The following OTULIN variants were observed in gnomAD, a reference collection of about 807,000 sequenced individuals.
The protein encoded by OTULIN is ubiquitin thioesterase otulin.
Under a neutral mutation model 39.6 loss-of-function variants are expected in OTULIN, and 15 were observed. The ratio of observed to expected loss-of-function variants is 0.38; its 90% CI spans 0.25 to 0.58. The LOEUF is 0.58. Among genes scored for constraint, OTULIN ranks in the 20% least tolerant of loss-of-function variants. OTULIN has a pLI of 0.66. For synonymous variants in OTULIN, 156 were observed against 170.3 expected, an observed-to-expected ratio of 0.92 and a Z score of 0.65; for missense variants, 319 against 445.9, an observed-to-expected ratio of 0.72 and a Z score of 2.56.
At chr5:14,712,251 GTCACTCTGCTGCCCCGGCCTGT>G in the OTULIN span, among the ~76,000 whole-genome samples, 5 of 152,214 alleles carry the variant, frequency 3.3e-5, no homozygotes, top group East Asian at 7.7e-4. Flanking sequence ...TGGCCTGGCC[GTCACTCTGCTGCCCCGGCCTGT>G]TCACTCTGCT....
downstream of OTULIN, among the ~76,000 whole-genome samples, chr5:14,702,773 G>T (rs569240926): frequency 6.6e-6 from 1 of 152,180 alleles, no homozygotes; most frequent in Admixed American, 6.5e-5. Flanking sequence ...GAGGTGTATA[G>T]TATAATGTAA....
the OTULIN span, chr5:14,712,853 C>CT: frequency 2.5e-6 from 4 of 1,582,924 alleles, no homozygotes; most frequent in Non-Finnish European, 3.4e-6. Context: ...CGGGAGGAGG[C>CT]TCCCGGCGCG....
intron 4 of OTULIN, among the ~76,000 whole-genome samples, chr5:14,683,648 T>G (rs1317744350): frequency 6.6e-6 from 1 of 152,232 alleles, no homozygotes; most frequent in Non-Finnish European, 1.5e-5. Flanking sequence ...TATATTATAT[T>G]AATCTACAAA....
chr5:14,708,147 C>G, the OTULIN span: 1 of 152,246 alleles, frequency 6.6e-6, no homozygotes, highest in African/African-American at 2.4e-5. Context: ...CACTACAGAA[C>G]AAATGGCAAC....
chr5:14,670,657 T>G (rs2126813981), intron 1 of OTULIN, among the ~76,000 whole-genome samples: 1 of 152,286 alleles, frequency 6.6e-6, no homozygotes, highest in African/African-American at 2.4e-5. Context: ...TGGGCAGGAG[T>G]GCAGTGGTGT....
chr5:14,712,873 C>G, the OTULIN span: 2 of 1,606,690 alleles, frequency 1.2e-6, no homozygotes, highest in African/African-American at 2.7e-5. Context: ...GGCTGTCTCA[C>G]CTGCTTCCGG....
At position 14,674,375 on chromosome 5, in the gene OTULIN, C is replaced by T. The variant is rs543371482; in HGVS notation, c.229+657C>T. On this transcript the variant is annotated intron_variant, in intron 2 of 6. Transcript: ENST00000284274. ...TAGGGTTACTCTGATTTTGGGATAT[C>T]CCGTGAATAATCACAAGTGGCATTT... 2.8e-4 allele frequency among the ~76,000 whole-genome samples: 43 copies of T among 152,324 alleles called. 1 individual carries two copies. Among genetic ancestry groups the T allele is most frequent in the African/African-American group, 9.1e-4 (38 of 41,570 alleles).
chr5:14,699,966 A>T (rs1284439536), downstream of OTULIN, among the ~76,000 whole-genome samples: 1 of 152,226 alleles, frequency 6.6e-6, no homozygotes, highest in Non-Finnish European at 1.5e-5. Context: ...ATTGATGTAC[A>T]GTCCCATTGG....
At chr5:14,681,768 A>G (rs548251844) in intron 4 of OTULIN, 161 bp downstream of exon 4, 28 of 773,472 alleles carry the variant, frequency 3.6e-5, no homozygotes, top group Admixed American at 1.1e-4. Flanking sequence ...ACATAGTTAA[A>G]TGACCAAAAA....
chr5:14,706,065 A>G, the OTULIN span: 1 of 152,090 alleles, frequency 6.6e-6, no homozygotes, highest in Non-Finnish European at 1.5e-5. Context: ...CCCTTCTTTA[A>G]CCTAAGGAAA....
At position 14,687,501 on chromosome 5, in the gene OTULIN, T is replaced by G; in HGVS notation, c.469-20T>G. The G allele has an allele frequency of 1.2e-6, 2 of 1,607,888 alleles. No individual in the cohort carries two copies. The highest frequency in any genetic ancestry group is 1.7e-6 in the Non-Finnish European group (2 of 1,178,150). ...TGGAATGTTAACACTTCTTTATCTC[T>G]TTGTTTCTCGATGTTGTAGTTACCA... On this transcript the variant is annotated intron_variant, in intron 4 of 6. Transcript: ENST00000284274.
chr5:14,669,610 A>G (rs1053783621), intron 1 of OTULIN, among the ~76,000 whole-genome samples: 1 of 152,018 alleles, frequency 6.6e-6, no homozygotes, highest in Non-Finnish European at 1.5e-5. Flanking sequence ...TGACTCTATA[A>G]CAAATTTTAA....
At chr5:14,692,822 TC>T (rs779790909) in intron 6 of OTULIN, 31 bp from the exon 7 acceptor site, 6 of 1,602,332 alleles carry the variant, frequency 3.7e-6, no homozygotes, top group Non-Finnish European at 5.1e-6. Flanking sequence ...AGTGTGATCT[TC>T]CTCAGAATAC....
chr5:14,690,177 A>G lies in OTULIN; in HGVS notation c.733A>G (p.Asn245Asp), dbSNP rs755260790. 1 of 1,614,152 alleles carries G rather than the reference A, an allele frequency of 6.2e-7. No homozygotes were observed. The change falls in exon 6 of 7, where the codon AAT becomes GAT. Residue 245 changes from asparagine (N) to aspartate (D), a missense_variant. Transcript: ENST00000284274. This position sits in a 1 kb window ranked among gnomAD's most constrained non-coding sequence, Gnocchi z 4.5. The part of the protein sequence containing the change: ...LMLNRAIELY[N>D]DKEKGKEVPF... ...GCTAAACAGAGCCATTGAACTATAT[A>G]ATGATAAAGAGAAAGGAAAGGAAGT...
chr5:14,690,895 T>C lies in OTULIN; in HGVS notation c.864+587T>C, dbSNP rs778239018. Among the ~76,000 whole-genome samples the C allele has an allele frequency of 3.3e-5, 5 of 152,360 alleles. No homozygotes were observed. In the East Asian group the frequency reaches 9.6e-4, roughly 29 times the overall value. ...TCAGAGGGGTGGATGGGATTAGTACTCTTGGCTCTGGGAGGCTACAAATAA... is the reference window on the plus strand; with the variant it reads ...TCAGAGGGGTGGATGGGATTAGTACCCTTGGCTCTGGGAGGCTACAAATAA... On this transcript the variant is annotated intron_variant, in intron 6 of 6. Transcript: ENST00000284274. This position sits in a 1 kb window ranked among gnomAD's most constrained non-coding sequence, Gnocchi z 4.5.
chr5:14,676,373 C>T (rs1736104578), intron 2 of OTULIN, among the ~76,000 whole-genome samples: 1 of 152,222 alleles, frequency 6.6e-6, no homozygotes, highest in Non-Finnish European at 1.5e-5. Flanking sequence ...CTGCCTTGTC[C>T]TGCATCTCCA....
At chr5:14,681,635 A>G in intron 4 of OTULIN, 28 bp downstream of exon 4, 2 of 1,586,446 alleles carry the variant, frequency 1.3e-6, no homozygotes, top group African/African-American at 2.7e-5. Flanking sequence ...GTTTGAGTCC[A>G]AAATGTTTCA....
rs146008194 is a variant in OTULIN, at chr5:14,680,946, G to C, written c.325-518G>C. Among the ~76,000 whole-genome samples the C allele has an allele frequency of 9.7e-3, 1,480 of 152,254 alleles. 26 individuals carry two copies. The highest frequency in any genetic ancestry group is 0.033 in the African/African-American group (1,392 of 41,554). On this transcript the variant is annotated intron_variant, in intron 3 of 6. Transcript: ENST00000284274. Reference sequence around the variant, plus strand: ...TTGGTGGCACATACCTGTAATCCCAGTTACTCAGGAGGCTGAGGCAGGAGA... The same window carrying C: ...TTGGTGGCACATACCTGTAATCCCACTTACTCAGGAGGCTGAGGCAGGAGA...
rs755405394 is a variant in OTULIN, at chr5:14,664,808, T to A, written c.-18T>A. On this transcript the variant is annotated 5_prime_UTR_variant, in exon 1 of 7. Transcript: ENST00000284274. ...ATCGTTCGGAGCCGGCTGAACCCCT[T>A]CGGCCGCGAGCGACCGCATGAGTCG... 3.3e-5 allele frequency: 40 copies of A among 1,209,732 alleles called. No homozygotes were observed. The highest frequency in any genetic ancestry group is 4.0e-5 in the Non-Finnish European group (39 of 972,290). 74.9% of individuals were successfully genotyped at this position (1,209,732 alleles called of 1,614,324 possible).
Sources: allele counts gnomAD v4.1 joint callset (sites outside exome capture counted in the v4.1 genomes callset), GRCh38; gene constraint gnomAD v4.1.1; non-coding constraint Gnocchi (gnomAD v3.1); transcripts MANE v1.5; gene names NCBI Gene and HGNC (gene_info 2026-07-23, HGNC 2026-07-21).